The following DSCAM variants were observed in gnomAD, a reference collection of about 807,000 sequenced individuals.
DSCAM encodes cell adhesion molecule DSCAM.
A neutral mutation model predicts 217.7 loss-of-function variants in DSCAM; 47 were observed. The ratio of observed to expected loss-of-function variants is 0.22; its 90% CI spans 0.17 to 0.28. The LOEUF (loss-of-function observed/expected upper bound fraction) is 0.28, where lower values mean the gene tolerates loss of function less well. Among genes scored for constraint, DSCAM ranks in the 10% least tolerant of loss-of-function variants. DSCAM has a pLI of 1.00. For synonymous variants in DSCAM, 1,056 were observed against 1,015.3 expected (o/e 1.04, Z -0.76); for missense variants, 2,080 against 2,618.3 (o/e 0.79, Z 4.49).
At chr21:40,434,803 G>C (rs561496229) in intron 3 of DSCAM, among the ~76,000 whole-genome samples, 1 of 152,198 alleles carries the variant, frequency 6.6e-6, no homozygotes, top group Admixed American at 6.5e-5. Context: ...CACCCGATTA[G>C]ACACTAAATC....
intron 21 of DSCAM, among the ~76,000 whole-genome samples, chr21:40,092,152 C>T (rs548736366): frequency 2.3e-4 from 35 of 152,282 alleles, no homozygotes; most frequent in African/African-American, 4.1e-4. Context: ...TATACACTTC[C>T]GTATCTGGCT....
chr21:40,376,159 C>T (rs2074947913), intron 3 of DSCAM, among the ~76,000 whole-genome samples: 1 of 152,076 alleles, frequency 6.6e-6, no homozygotes, highest in South Asian at 2.1e-4. Context: ...GATGGCTCTG[C>T]TAATAAGATG....
intron 3 of DSCAM, among the ~76,000 whole-genome samples, chr21:40,637,083 A>G: frequency 7.7e-6 from 1 of 129,594 alleles, no homozygotes; most frequent in Non-Finnish European, 1.6e-5. Flanking sequence ...GTATTTTTCA[A>G]AAATAGAAGG....
At chr21:40,796,472 G>A (rs1261557110) in intron 1 of DSCAM, among the ~76,000 whole-genome samples, 4 of 152,202 alleles carry the variant, frequency 2.6e-5, no homozygotes, top group Non-Finnish European at 5.9e-5. Context: ...ACTACACAAA[G>A]CTTAGCAAAA....
intron 3 of DSCAM, among the ~76,000 whole-genome samples, chr21:40,471,672 G>T (rs888331440): frequency 5.3e-5 from 8 of 152,306 alleles, no homozygotes; most frequent in Non-Finnish European, 1.2e-4. Context: ...CTCCCAAGTA[G>T]CCTGGTTTCA....
At chr21:40,373,067 C>G (rs374855049) in intron 3 of DSCAM, among the ~76,000 whole-genome samples, 4 of 152,154 alleles carry the variant, frequency 2.6e-5, no homozygotes, top group African/African-American at 7.2e-5. Context: ...TGTCACGGAG[C>G]TGAGCCGCAA....
chr21:40,266,878 C>T (rs889874438), intron 11 of DSCAM, among the ~76,000 whole-genome samples: 7 of 148,646 alleles, frequency 4.7e-5, no homozygotes, highest in African/African-American at 1.7e-4. Context: ...TTTGCAGCAA[C>T]TTAGATGGAA....
chr21:40,196,619 C>T (rs1365703326), intron 11 of DSCAM, among the ~76,000 whole-genome samples: 1 of 151,246 alleles, frequency 6.6e-6, no homozygotes, highest in Non-Finnish European at 1.5e-5. Context: ...TTCTGTTCCT[C>T]CCTCCCAATT....
At chr21:40,107,735 C>G (rs1308258244) in intron 20 of DSCAM, among the ~76,000 whole-genome samples, 1 of 152,090 alleles carries the variant, frequency 6.6e-6, no homozygotes, top group Non-Finnish European at 1.5e-5. Flanking sequence ...TTGAATTGAA[C>G]CCTTTACCAT....
chr21:40,697,904 G>A (rs563848180), intron 2 of DSCAM, among the ~76,000 whole-genome samples: 1 of 152,212 alleles, frequency 6.6e-6, no homozygotes, highest in East Asian at 1.9e-4. Flanking sequence ...CCTTGAATCT[G>A]TAGATCACTT....
At chr21:40,605,290 T>C (rs1054811162) in intron 3 of DSCAM, among the ~76,000 whole-genome samples, 13 of 152,306 alleles carry the variant, frequency 8.5e-5, no homozygotes, top group African/African-American at 2.9e-4. Flanking sequence ...TGTGTTGACC[T>C]GTCTCTCCAG....
chr21:40,318,471 C>G (rs1032557855), intron 8 of DSCAM, among the ~76,000 whole-genome samples: 1 of 152,166 alleles, frequency 6.6e-6, no homozygotes, highest in Non-Finnish European at 1.5e-5. Context: ...GGACTTCTAA[C>G]TACTGTGCCA....
chr21:40,317,693 C>G (rs1345299349), intron 8 of DSCAM, among the ~76,000 whole-genome samples: 1 of 152,042 alleles, frequency 6.6e-6, no homozygotes, highest in Admixed American at 6.6e-5. Context: ...CTAGGCTTGG[C>G]TAATTTTTTT....
At chr21:40,504,357 C>A (rs1398183203) in intron 3 of DSCAM, among the ~76,000 whole-genome samples, 2 of 151,856 alleles carry the variant, frequency 1.3e-5, no homozygotes, top group African/African-American at 2.4e-5. Flanking sequence ...GGGCACACAG[C>A]TGTCCCTGCC....
At chr21:40,760,956 C>A (rs1459076591) in intron 1 of DSCAM, among the ~76,000 whole-genome samples, 4 of 152,240 alleles carry the variant, frequency 2.6e-5, no homozygotes, top group African/African-American at 9.6e-5. Flanking sequence ...AGCTGATGCA[C>A]TTACTTATAA....
At chr21:40,625,516 C>G (rs1000488484) in intron 3 of DSCAM, among the ~76,000 whole-genome samples, 6 of 152,068 alleles carry the variant, frequency 3.9e-5, no homozygotes, top group African/African-American at 1.5e-4. Flanking sequence ...CCTTCTCCAG[C>G]CTTTTCTGGA....
intron 3 of DSCAM, among the ~76,000 whole-genome samples, chr21:40,536,046 G>A (rs890174532): frequency 6.6e-5 from 10 of 152,168 alleles, no homozygotes; most frequent in Admixed American, 6.5e-4. Flanking sequence ...AGCCTGAGAC[G>A]TTACTTTACA....
intron 3 of DSCAM, among the ~76,000 whole-genome samples, chr21:40,640,571 T>A (rs971730339): frequency 6.6e-6 from 1 of 152,144 alleles, no homozygotes; most frequent in African/African-American, 2.4e-5. Context: ...GTTTAGCTAA[T>A]GGATAACCGA....
intron 11 of DSCAM, among the ~76,000 whole-genome samples, chr21:40,230,595 T>C (rs2091372678): frequency 6.6e-6 from 1 of 152,190 alleles, no homozygotes; most frequent in Non-Finnish European, 1.5e-5. Flanking sequence ...TGCTATACAT[T>C]TTACTCTAAA....
Sources: allele counts gnomAD v4.1 joint callset (sites outside exome capture counted in the v4.1 genomes callset), GRCh38; gene constraint gnomAD v4.1.1; transcripts MANE v1.5; gene names NCBI Gene and HGNC (gene_info 2026-07-23, HGNC 2026-07-21).